BLTP1: variants seen among roughly 807,000 people sequenced by gnomAD.
BLTP1 encodes fragile site-associated protein.
chr4:122,193,894 G>A, the BLTP1 span, among the ~76,000 whole-genome samples: 42 of 151,668 alleles, frequency 2.8e-4, 1 homozygote, highest in African/African-American at 8.9e-4. Flanking sequence ...ACGGAGTCTC[G>A]CTCTGTCGCC....
At chr4:122,190,340 C>T in the BLTP1 span, 3 of 751,646 alleles carry the variant, frequency 4.0e-6, no homozygotes, top group Middle Eastern at 6.7e-4. Context: ...AAGTGATCCT[C>T]CTGCCTCATT....
chr4:122,202,889 G>A, the BLTP1 span, among the ~76,000 whole-genome samples: 3 of 151,200 alleles, frequency 2.0e-5, 1 homozygote, highest in South Asian at 4.2e-4. Context: ...CACTCTTTTG[G>A]TTATTTTTTT....
the BLTP1 span, chr4:122,226,028 T>G: frequency 6.6e-6 from 1 of 152,284 alleles, no homozygotes; most frequent in Non-Finnish European, 1.5e-5. Context: ...GCACAGTTCA[T>G]GACTCTGTAG....
the BLTP1 span, chr4:122,257,140 ATTTC>A: frequency 1.8e-6 from 2 of 1,109,182 alleles, no homozygotes; most frequent in East Asian, 2.4e-5. Flanking sequence ...CTAAGTTTTA[ATTTC>A]TTTATCTCTA....
At chr4:122,349,374 A>G in the BLTP1 span, 6 of 1,561,758 alleles carry the variant, frequency 3.8e-6, no homozygotes, top group African/African-American at 4.1e-5. This position sits in a 1 kb window ranked among gnomAD's most constrained non-coding sequence, Gnocchi z 4.5. Flanking sequence ...ATCAAAAAAA[A>G]TGCTTTTGGA....
the BLTP1 span, chr4:122,198,366 G>A: frequency 2.0e-6 from 2 of 985,318 alleles, no homozygotes; most frequent in Non-Finnish European, 2.4e-6. Context: ...AAAGCCAAAA[G>A]CATCTTTTAG....
At chr4:122,262,594 A>T in the BLTP1 span, 1 of 311,168 alleles carries the variant, frequency 3.2e-6, no homozygotes, top group South Asian at 1.2e-4. Context: ...ACCTACATTT[A>T]AGGACGTATG....
At chr4:122,183,173 A>C in the BLTP1 span, 1 of 435,198 alleles carries the variant, frequency 2.3e-6, no homozygotes, top group Non-Finnish European at 3.1e-6. Flanking sequence ...CTGTTTCTAC[A>C]AAAAATACAA....
chr4:122,251,202 G>A, the BLTP1 span: 1 of 873,636 alleles, frequency 1.1e-6, no homozygotes, highest in Admixed American at 6.3e-5. Context: ...TTGCAGCGTT[G>A]TGAAGACTGA....
chr4:122,341,070 G>T, the BLTP1 span, among the ~76,000 whole-genome samples: 2,490 of 152,018 alleles, frequency 0.016, 68 homozygotes, highest in African/African-American at 0.056. Context: ...TCCATTGTTT[G>T]GATCATATAC....
the BLTP1 span, chr4:122,309,168 A>C: frequency 6.8e-7 from 1 of 1,465,680 alleles, no homozygotes; most frequent in Non-Finnish European, 9.1e-7. Flanking sequence ...TCTAGGCTTG[A>C]CCGTTTCTAG....
At chr4:122,272,450 T>C in the BLTP1 span, 2 of 1,460,942 alleles carry the variant, frequency 1.4e-6, no homozygotes, top group African/African-American at 1.4e-5. Context: ...ACATAATAAT[T>C]AGTGCTACTT....
chr4:122,349,257 A>G, the BLTP1 span: 1 of 1,613,714 alleles, frequency 6.2e-7, no homozygotes, highest in Non-Finnish European at 8.5e-7. This position sits in a 1 kb window ranked among gnomAD's most constrained non-coding sequence, Gnocchi z 4.5. Context: ...GATCACAATT[A>G]GATTCTAAAG....
the BLTP1 span, chr4:122,313,622 G>A: frequency 1.1e-5 from 17 of 1,572,024 alleles, no homozygotes; most frequent in Middle Eastern, 1.7e-4. Flanking sequence ...GGTGATTTTT[G>A]TACAGGTGTA....
chr4:122,197,178 A>C, the BLTP1 span: 1 of 1,003,570 alleles, frequency 1.0e-6, no homozygotes, highest in South Asian at 1.8e-5. Flanking sequence ...ATATGAATTA[A>C]TTTTTTTCTT....
chr4:122,252,524 A>C, the BLTP1 span, among the ~76,000 whole-genome samples: 1 of 152,154 alleles, frequency 6.6e-6, no homozygotes, highest in Non-Finnish European at 1.5e-5. Flanking sequence ...AGTACTCCCC[A>C]TGGGCCTGTG....
At chr4:122,286,110 C>A in the BLTP1 span, among the ~76,000 whole-genome samples, 1 of 152,144 alleles carries the variant, frequency 6.6e-6, no homozygotes, top group East Asian at 1.9e-4. Context: ...TTAGCTACTT[C>A]CACACTGAAT....
the BLTP1 span, chr4:122,178,069 A>T: frequency 1.1e-4 from 92 of 872,388 alleles, no homozygotes; most frequent in Non-Finnish European, 1.3e-4. Context: ...TCTCCTAGTC[A>T]TACTTCTAAG....
chr4:122,332,114 C>T, the BLTP1 span, among the ~76,000 whole-genome samples: 2 of 151,576 alleles, frequency 1.3e-5, no homozygotes, highest in Admixed American at 6.6e-5. Flanking sequence ...TATAATTGAG[C>T]GGATGGGTGG....
Sources: allele counts gnomAD v4.1 joint callset (sites outside exome capture counted in the v4.1 genomes callset), GRCh38; gene constraint gnomAD v4.1.1; non-coding constraint Gnocchi (gnomAD v3.1); transcripts MANE v1.5; gene names NCBI Gene and HGNC (gene_info 2026-07-23, HGNC 2026-07-21).